Variants in TAFA2 observed in about 807,000 individuals in gnomAD.
The protein encoded by TAFA2 is chemokine-like protein TAFA-2.
In TAFA2, 7 loss-of-function variants were observed where a neutral mutation model predicts 18.8. The ratio of observed to expected loss-of-function variants is 0.37; its 90% CI spans 0.21 to 0.70. TAFA2 has a LOEUF of 0.70. Ranked by LOEUF, TAFA2 falls within the 30% of genes least tolerant of loss-of-function variation. The pLI is 0.53. For missense variants in TAFA2, 122 were observed against 158.1 expected, an observed-to-expected ratio of 0.77 and a Z score of 1.23; for synonymous variants, 60 against 54.2, an observed-to-expected ratio of 1.11 and a Z score of -0.47.
chr12:62,133,150 AAATTCCATGTGCATCTTCCAT>A (rs1268743070), intron 1 of TAFA2, among the ~76,000 whole-genome samples: 1 of 152,014 alleles, frequency 6.6e-6, no homozygotes, highest in African/African-American at 2.4e-5. Context: ...ATTTCCCACA[AAATTCCATGTGCATCTTCCAT>A]AATTTTCCAT....
intron 4 of TAFA2, among the ~76,000 whole-genome samples, chr12:61,713,487 A>G (rs1475496763): frequency 6.6e-6 from 1 of 152,182 alleles, no homozygotes; most frequent in African/African-American, 2.4e-5. Flanking sequence ...TGAAGGAATT[A>G]AAGCCTAACT....
At chr12:62,094,401 A>G (rs914947206) in intron 1 of TAFA2, among the ~76,000 whole-genome samples, 1 of 152,012 alleles carries the variant, frequency 6.6e-6, no homozygotes, top group Admixed American at 6.6e-5. Flanking sequence ...TGCTCAGATG[A>G]CGTGTGCAAT....
chr12:61,784,219 G>C (rs1184053676), intron 2 of TAFA2, among the ~76,000 whole-genome samples: 2 of 151,432 alleles, frequency 1.3e-5, no homozygotes, highest in African/African-American at 4.8e-5. Flanking sequence ...AATGAGAGAG[G>C]GTTGAGTGAG....
chr12:62,213,964 C>T (rs548782704), intron 1 of TAFA2, among the ~76,000 whole-genome samples: 34 of 152,238 alleles, frequency 2.2e-4, no homozygotes, highest in Non-Finnish European at 3.5e-4. Context: ...ACAGAGATAT[C>T]GAATCAAGTT....
chr12:62,071,098 T>C (rs1209032643), intron 1 of TAFA2, among the ~76,000 whole-genome samples: 1 of 152,242 alleles, frequency 6.6e-6, no homozygotes, highest in Non-Finnish European at 1.5e-5. Flanking sequence ...GTACTGTGAA[T>C]ACAGTGATGA....
At chr12:61,998,857 A>G (rs896741825) in intron 1 of TAFA2, among the ~76,000 whole-genome samples, 3 of 152,226 alleles carry the variant, frequency 2.0e-5, no homozygotes, top group Non-Finnish European at 1.5e-5. Context: ...GGGAAGGCAC[A>G]AGTAACATCT....
At chr12:61,768,245 T>C (rs1869872680) in intron 2 of TAFA2, among the ~76,000 whole-genome samples, 1 of 152,070 alleles carries the variant, frequency 6.6e-6, no homozygotes, top group Non-Finnish European at 1.5e-5. Context: ...CTGAACTTCA[T>C]TAATAGTAAA....
intron 1 of TAFA2, among the ~76,000 whole-genome samples, chr12:62,107,743 A>G: frequency 6.6e-6 from 1 of 152,112 alleles, no homozygotes; most frequent in Non-Finnish European, 1.5e-5. Flanking sequence ...AGAAAACCTT[A>G]CCATTTACTT....
At chr12:61,858,562 A>T (rs2121185951) in intron 2 of TAFA2, among the ~76,000 whole-genome samples, 1 of 152,264 alleles carries the variant, frequency 6.6e-6, no homozygotes, top group East Asian at 1.9e-4. Context: ...AAAGTCTCCA[A>T]GAACTCTAAA....
At chr12:61,847,449 T>C (rs1023326417) in intron 2 of TAFA2, among the ~76,000 whole-genome samples, 1 of 152,172 alleles carries the variant, frequency 6.6e-6, no homozygotes, top group East Asian at 1.9e-4. Flanking sequence ...AAGAAACCCA[T>C]AAGAATTTTA....
At chr12:62,217,561 G>A (rs927863293) in intron 1 of TAFA2, among the ~76,000 whole-genome samples, 1 of 152,172 alleles carries the variant, frequency 6.6e-6, no homozygotes, top group Admixed American at 6.5e-5. Context: ...CCAAGATCAA[G>A]TCCCTTTCCA....
intron 2 of TAFA2, among the ~76,000 whole-genome samples, chr12:61,861,520 G>T (rs1592441799): frequency 2.0e-5 from 3 of 152,174 alleles, no homozygotes; most frequent in African/African-American, 7.2e-5. Flanking sequence ...TTCCCAAAGT[G>T]CTGGGATTAT....
chr12:62,155,183 A>G (rs1051356685), intron 1 of TAFA2, among the ~76,000 whole-genome samples: 5 of 152,162 alleles, frequency 3.3e-5, no homozygotes, highest in Admixed American at 2.0e-4. Flanking sequence ...CAAGAACTCA[A>G]CCTCTTTTAC....
At chr12:61,949,377 A>T (rs1878387940) in intron 1 of TAFA2, among the ~76,000 whole-genome samples, 1 of 152,122 alleles carries the variant, frequency 6.6e-6, no homozygotes, top group South Asian at 2.1e-4. Flanking sequence ...GGACTCAGAC[A>T]GGAGTCACAC....
chr12:62,245,693 AATTTTTATAT>A (rs2062881908), intron 1 of TAFA2, among the ~76,000 whole-genome samples: 1 of 147,390 alleles, frequency 6.8e-6, no homozygotes, highest in Non-Finnish European at 1.5e-5. Context: ...ATAAAAATGT[AATTTTTATAT>A]ATTTATATAT....
chr12:61,855,055 T>C (rs1032249504), intron 2 of TAFA2, among the ~76,000 whole-genome samples: 4 of 152,190 alleles, frequency 2.6e-5, no homozygotes, highest in African/African-American at 9.6e-5. Flanking sequence ...AGGACTGTTC[T>C]TTAACAAATG....
intron 1 of TAFA2, among the ~76,000 whole-genome samples, chr12:62,208,498 T>A (rs1220340988): frequency 6.6e-6 from 1 of 152,050 alleles, no homozygotes; most frequent in Non-Finnish European, 1.5e-5. Context: ...AGGCTCTTTA[T>A]AACATGGTAG....
intron 4 of TAFA2, among the ~76,000 whole-genome samples, chr12:61,724,952 A>G (rs1019854807): frequency 6.7e-6 from 1 of 150,020 alleles, no homozygotes; most frequent in Admixed American, 6.6e-5. Context: ...TAAGTGTTCT[A>G]TTTTCACCAC....
chr12:61,827,650 G>A (rs1212953505), intron 2 of TAFA2, among the ~76,000 whole-genome samples: 2 of 151,972 alleles, frequency 1.3e-5, no homozygotes, highest in Non-Finnish European at 2.9e-5. Context: ...TTAGAAAACA[G>A]CTAAAATTCA....
Sources: allele counts gnomAD v4.1 joint callset (sites outside exome capture counted in the v4.1 genomes callset), GRCh38; gene constraint gnomAD v4.1.1; transcripts MANE v1.5; gene names NCBI Gene and HGNC (gene_info 2026-07-23, HGNC 2026-07-21).